The following MED6 variants were observed in gnomAD, a reference collection of about 807,000 sequenced individuals.
MED6 encodes mediator complex subunit 6.
Under a neutral mutation model 37.5 loss-of-function variants are expected in MED6, and 33 were observed. That is an observed-to-expected ratio of 0.88 (90% CI 0.67 to 1.18). The LOEUF is 1.18. Among genes scored for constraint, MED6 ranks in the 50% most tolerant of loss-of-function variants. The pLI is 0.00. For synonymous variants in MED6, 94 were observed against 93.6 expected, an observed-to-expected ratio of 1.00 and a Z score of -0.02; for missense variants, 235 against 290.6, an observed-to-expected ratio of 0.81 and a Z score of 1.39.
intron 4 of MED6, 34 bp from the exon 5 acceptor site, chr14:70,593,022 T>C (rs1884930805): frequency 1.9e-6 from 3 of 1,610,662 alleles, no homozygotes; most frequent in East Asian, 4.5e-5. Flanking sequence ...AAATTTATCA[T>C]TAGGTCGACC....
In MED6 at chr14:70,593,005, A is replaced by C; in HGVS notation, c.358-17T>G. 2 of 1,612,630 alleles carry C rather than the reference A, an allele frequency of 1.2e-6. No individual in the cohort carries two copies. The highest frequency in any genetic ancestry group is 2.2e-5 in the South Asian group (2 of 91,040). On this transcript the variant is annotated splice_polypyrimidine_tract_variant and intron_variant, in intron 4 of 7. Coordinates refer to ENST00000256379, the MANE Select transcript of MED6 (RefSeq NM_005466.4). ...TGCAGTAAGCTTGTAAAAGGAAAAT[A>C]AACTCTAAATTTATCATTAGGTCGA...
intron 5 of MED6, chr14:70,591,642 G>A (rs979023526): frequency 7.8e-5 from 23 of 294,596 alleles, no homozygotes; most frequent in Non-Finnish European, 1.3e-4. Flanking sequence ...ATATAAGCAC[G>A]CACAACCGTA....
chr14:70,595,451 C>T (rs1318279448), intron 3 of MED6: 5 of 604,114 alleles, frequency 8.3e-6, no homozygotes, highest in Non-Finnish European at 9.3e-6. Context: ...CGGTCCAGTC[C>T]TTGGAGACTG....
Position 70,583,326 on chromosome 14 carries a change from A to G in MED6, c.*1487T>C, listed in dbSNP as rs1258069329. The G allele has an allele frequency of 6.6e-6, 1 of 152,240 alleles. No individual in the cohort carries two copies. The highest frequency in any genetic ancestry group is 6.5e-5 in the Admixed American group (1 of 15,282). 9.4% of individuals were successfully genotyped at this position (152,240 alleles called of 1,614,324 possible). A position where few individuals can be genotyped will look rare whatever the true frequency, so the allele number is the denominator to read the frequency against. ...ATTAGACATTTCATAAAAGCAGAAA[A>G]AGATGAGAAATTCTTCAACTACTTT... On this transcript the variant is annotated 3_prime_UTR_variant, in exon 8 of 8. Coordinates refer to ENST00000256379, the MANE Select transcript of MED6 (RefSeq NM_005466.4).
chr14:70,594,366 C>T (rs1003486280), intron 3 of MED6, among the ~76,000 whole-genome samples: 7 of 152,214 alleles, frequency 4.6e-5, no homozygotes, highest in Non-Finnish European at 8.8e-5. Context: ...TAGTATAACC[C>T]ACGCAAGGCT....
chr14:70,597,632 T>C lies in MED6; in HGVS notation c.168A>G (p.Thr56=). Residue 56 remains threonine (T), a synonymous_variant, in exon 2 of 8, where the codon ACA becomes ACG. Transcript: ENST00000256379. ...AAATAACTTACTTCAAGTGTTCTAATGTTAGCCTCTGCATTTTGACCACTT... is the reference window on the plus strand; with the variant it reads ...AAATAACTTACTTCAAGTGTTCTAACGTTAGCCTCTGCATTTTGACCACTT... ...NNEVVKMQRL[T]LEHLNQMVGI... 1.3e-6 allele frequency: 2 copies of C among 1,504,844 alleles called. No homozygotes were observed. The highest frequency in any genetic ancestry group is 2.6e-5 in the East Asian group (1 of 39,062). The allele number at this position is 1,504,844 out of a possible 1,614,324, so 93.2% of individuals were successfully genotyped here.
intron 6 of MED6, among the ~76,000 whole-genome samples, chr14:70,587,723 C>A (rs906646423): frequency 8.5e-5 from 13 of 152,104 alleles, no homozygotes; most frequent in Non-Finnish European, 1.9e-4. Context: ...CTTCTTGGAG[C>A]AAATTTAATC....
At chr14:70,595,388 G>A in intron 3 of MED6, 1 of 568,616 alleles carries the variant, frequency 1.8e-6, no homozygotes, top group Non-Finnish European at 3.4e-6. Context: ...TGGTCACTAT[G>A]CAGTCTGCCA....
Position 70,593,436 on chromosome 14 carries a change from G to T in MED6, c.275-58C>A, listed in dbSNP as rs371761095. The T allele has an allele frequency of 8.6e-4, 1,082 of 1,263,862 alleles. 22 individuals carry two copies. In the South Asian group the frequency reaches 0.013, roughly 15 times the overall value. 78.3% of individuals were successfully genotyped at this position (1,263,862 alleles called of 1,614,324 possible). A position where few individuals can be genotyped will look rare whatever the true frequency, so the allele number is the denominator to read the frequency against. ...AGCTATGGACACAAACTGCTAAACA[G>T]ATTCTCATAAAAAGAAATAAAATCT... On this transcript the variant is annotated intron_variant, in intron 3 of 7. Transcript: ENST00000256379.
intron 1 of MED6, among the ~76,000 whole-genome samples, chr14:70,598,595 C>T (rs1331330758): frequency 6.6e-6 from 1 of 151,978 alleles, no homozygotes; most frequent in Non-Finnish European, 1.5e-5. Context: ...TAAATAAAAA[C>T]TTACACAGAG....
chr14:70,598,432 G>A (rs1339901314), intron 1 of MED6, among the ~76,000 whole-genome samples: 1 of 151,936 alleles, frequency 6.6e-6, no homozygotes, highest in African/African-American at 2.4e-5. Context: ...CTGAGATCGC[G>A]CCACTGCACT....
At chr14:70,598,481 A>T (rs1440955678) in intron 1 of MED6, among the ~76,000 whole-genome samples, 1 of 152,160 alleles carries the variant, frequency 6.6e-6, no homozygotes, top group Non-Finnish European at 1.5e-5. Context: ...TCTCAAAAAA[A>T]AAAGACATGA....
At chr14:70,600,061 A>C (rs1460949137) in intron 1 of MED6, among the ~76,000 whole-genome samples, 1 of 152,200 alleles carries the variant, frequency 6.6e-6, no homozygotes, top group Non-Finnish European at 1.5e-5. Flanking sequence ...TGACTGATTC[A>C]ATATTTGAGT....
chr14:70,599,607 A>ACCCT (rs1375848180), intron 1 of MED6, among the ~76,000 whole-genome samples: 2 of 151,852 alleles, frequency 1.3e-5, no homozygotes, highest in Admixed American at 1.3e-4. Flanking sequence ...CTCTCTCACT[A>ACCCT]CCCTCCAGCC....
At chr14:70,587,536 G>C (rs1250490046) in intron 6 of MED6, among the ~76,000 whole-genome samples, 1 of 152,124 alleles carries the variant, frequency 6.6e-6, no homozygotes, top group African/African-American at 2.4e-5. Context: ...ATTTGAAAAG[G>C]GGGATTTTTC....
In MED6 at chr14:70,584,029, T is replaced by TA; in HGVS notation, c.*783dup. ...ATAAGATTAAAATTCACAACACTGT[T>TA]ACAGTATTTATAGGGTAATGGTATT... On this transcript the variant is annotated 3_prime_UTR_variant, in exon 8 of 8. Coordinates refer to ENST00000256379, the MANE Select transcript of MED6 (RefSeq NM_005466.4). 2.0e-6 allele frequency: 1 copy of TA among 494,730 alleles called. No homozygotes were observed. The allele number at this position is 494,730 out of a possible 1,614,324, so 30.6% of individuals were successfully genotyped here.
intron 1 of MED6, among the ~76,000 whole-genome samples, chr14:70,600,018 G>A (rs1885158931): frequency 6.6e-6 from 1 of 152,040 alleles, no homozygotes; most frequent in African/African-American, 2.4e-5. Flanking sequence ...TCAAGCAGCA[G>A]TTAAGGGGTG....
At chr14:70,598,421 G>A (rs1332104065) in intron 1 of MED6, among the ~76,000 whole-genome samples, 2 of 152,114 alleles carry the variant, frequency 1.3e-5, no homozygotes, top group African/African-American at 2.4e-5. Flanking sequence ...GTTGCAGTGA[G>A]CTGAGATCGC....
rs764548817 is a variant in MED6 at position 70,584,203 on chromosome 14, C to T, written c.*610G>A. On this transcript the variant is annotated 3_prime_UTR_variant, in exon 8 of 8. Coordinates refer to ENST00000256379, the MANE Select transcript of MED6 (RefSeq NM_005466.4). Reference sequence around the variant, plus strand: ...TCTTCAAAGTGCATCTGAAAAATATCAGTTATGATGAAGAAAAAAGTCATG... The same window carrying T: ...TCTTCAAAGTGCATCTGAAAAATATTAGTTATGATGAAGAAAAAAGTCATG... 2 of 748,736 alleles carry T rather than the reference C, an allele frequency of 2.7e-6. No homozygotes were observed. The highest frequency in any genetic ancestry group is 4.9e-6 in the Non-Finnish European group (2 of 411,618). 46.4% of individuals were successfully genotyped at this position (748,736 alleles called of 1,614,324 possible). A position where few individuals can be genotyped will look rare whatever the true frequency, so the allele number is the denominator to read the frequency against.
Sources: gnomAD v4.1 joint callset for allele counts (sites outside exome capture counted in the v4.1 genomes callset) on GRCh38, gnomAD v4.1.1 for gene constraint, MANE v1.5 for transcripts, NCBI Gene and HGNC (gene_info 2026-07-23, HGNC 2026-07-21) for gene names.